The following ATG2A variants were observed in gnomAD, a reference collection of about 807,000 sequenced individuals.
ATG2A encodes the protein autophagy-related protein 2 homolog A.
A neutral mutation model predicts 214.2 loss-of-function variants in ATG2A; 103 were observed. The ratio of observed to expected loss-of-function variants is 0.48; its 90% CI spans 0.41 to 0.57. The LOEUF (loss-of-function observed/expected upper bound fraction) is 0.57. Ranked by LOEUF, ATG2A falls within the 20% of genes least tolerant of loss-of-function variation. The pLI, the probability that ATG2A is intolerant of heterozygous loss-of-function variation, is 0.00. For synonymous variants in ATG2A, 1,160 were observed against 1,142.1 expected (o/e 1.02, Z -0.32); for missense variants, 2,312 against 2,613.2 (o/e 0.88, Z 2.51).
rs569894911 is a variant in ATG2A, at chr11:64,917,144, C to T, written c.-9G>A. ...CACAGCCATCGTGACATCTCGGAGA[C>T]CGCCGGGCCTGGGCCGCCTCCGCTT... is the stretch of plus-strand genomic sequence containing the variant. On this transcript the variant is annotated 5_prime_UTR_variant, in exon 1 of 41. Coordinates refer to ENST00000377264, the MANE Select transcript of ATG2A (RefSeq NM_015104.3). 1 of 1,596,474 alleles carries T rather than the reference C, an allele frequency of 6.3e-7. No individual in the cohort carries two copies. The highest frequency in any genetic ancestry group is 8.5e-7 in the Non-Finnish European group (1 of 1,171,064).
rs1944728234 is a variant in ATG2A, at chr11:64,910,544, G to A, written c.1707+72C>T. On this transcript the variant is annotated intron_variant, in intron 12 of 40. Transcript: ENST00000377264. ...AGGGACAGGGCTGGGCAGCAGAGGA[G>A]GCCCTGGCAGAGGCCAGGGTGGGGT... 5.4e-6 allele frequency: 8 copies of A among 1,468,664 alleles called. No homozygotes were observed. In the South Asian group the frequency reaches 9.6e-5, roughly 18 times the overall value. The allele number at this position is 1,468,664 out of a possible 1,614,324, so 91.0% of individuals were successfully genotyped here.
At position 64,906,788 on chromosome 11, in the gene ATG2A, C is replaced by T. The variant is rs1368601500; in HGVS notation, c.2860G>A (p.Val954Met). ...KDEGGKRLEA[V>M]HGELVLDMEH... is the part of the protein sequence containing the mutation. Reference sequence around the variant, plus strand: ...ATGTCCAGCACCAGCTCCCCGTGCACAGCCTCCAGCCGCTTCCCACCCTCA... The same window carrying T: ...ATGTCCAGCACCAGCTCCCCGTGCATAGCCTCCAGCCGCTTCCCACCCTCA... The change falls in exon 20 of 41, where the codon GTG becomes ATG. Residue 954 changes from valine (V) to methionine (M), a missense_variant. Transcript: ENST00000377264. 6.2e-7 allele frequency: 1 copy of T among 1,613,186 alleles called. No homozygotes were observed. The highest frequency in any genetic ancestry group is 1.7e-4 in the Middle Eastern group (1 of 6,048).
rs1944417397 is a variant in ATG2A at position 64,903,098 on chromosome 11, A to G, written c.3612+190T>C. On this transcript the variant is annotated intron_variant, in intron 26 of 40. Transcript: ENST00000377264. This position sits in a 1 kb window ranked among gnomAD's most constrained non-coding sequence, Gnocchi z 4.2. The stretch of plus-strand genomic sequence containing the variant: ...CTGAAACCCATTCATTCATTCAGCC[A>G]GCATCAAGGGACACCCCCACCAGGG... Among the ~76,000 whole-genome samples, 1 of 152,168 alleles carries G rather than the reference A, an allele frequency of 6.6e-6. No individual in the cohort carries two copies. The highest frequency in any genetic ancestry group is 6.5e-5 in the Admixed American group (1 of 15,282).
In ATG2A at chr11:64,910,063, C is replaced by A. The variant is rs1236792136; in HGVS notation, c.1840G>T (p.Ala614Ser). Residue 614 changes from alanine (A) to serine (S), a missense_variant, in exon 13 of 41, where the codon GCT becomes TCT. Transcript: ENST00000377264. ...ACCAGCAGGCCGGCTGGAGGCTCAG[C>A]AGGTACGGTGGCCAGGCGCAGTAGG... ...AALLRLATVP[A>S]EPPAGLLTEP... The A allele has an allele frequency of 2.5e-6, 4 of 1,597,762 alleles. No homozygotes were observed. Among genetic ancestry groups the A allele is most frequent in the Non-Finnish European group, 3.4e-6 (4 of 1,173,800 alleles).
At chr11:64,916,837 G>A (rs1439263536) in intron 1 of ATG2A, 128 bp downstream of exon 1, 4 of 1,273,132 alleles carry the variant, frequency 3.1e-6, no homozygotes, top group Non-Finnish European at 4.3e-6. Context: ...GACGCCTGGA[G>A]AGGGCAAGAT....
At chr11:64,916,845 G>T in intron 1 of ATG2A, 120 bp downstream of exon 1, 1 of 1,407,982 alleles carries the variant, frequency 7.1e-7, no homozygotes, top group Non-Finnish European at 9.6e-7. Context: ...GAGAGGGCAA[G>T]ATTCCCCTGG....
rs186654581 is a variant in ATG2A at position 64,913,146 on chromosome 11, G to A, written c.727-10C>T. The A allele has an allele frequency of 2.6e-5, 42 of 1,586,624 alleles. No individual in the cohort carries two copies. The East Asian group carries it at 5.5e-4, about 21-fold the overall frequency. On this transcript the variant is annotated splice_polypyrimidine_tract_variant and intron_variant, in intron 5 of 40. Transcript: ENST00000377264. The surrounding 1 kb of genome is among the most constrained non-coding windows in gnomAD (Gnocchi z 4.3). ...GCTCTGGAGGCTCTTCCTGGGAGAC[G>A]GGAGGATACAAGAGGGAAAGGTTGA...
intron 18 of ATG2A, 29 bp downstream of exon 18, chr11:64,907,489 GTCCTCCC>G: frequency 6.2e-7 from 1 of 1,611,648 alleles, no homozygotes. Context: ...AGACCTGGGG[GTCCTCCC>G]TCTAGCCCAG....
Position 64,913,970 on chromosome 11 carries a change from G to A in ATG2A, c.488-47C>T, listed in dbSNP as rs1421775504. Reference sequence around the variant, plus strand: ...TCAGGTCAGGTAGAGCAGCAAAGGGGAGGCAGAATTTCCCATCTGGGCACC... The same window carrying A: ...TCAGGTCAGGTAGAGCAGCAAAGGGAAGGCAGAATTTCCCATCTGGGCACC... On this transcript the variant is annotated intron_variant, in intron 3 of 40. Coordinates refer to ENST00000377264, the MANE Select transcript of ATG2A (RefSeq NM_015104.3). The surrounding 1 kb of genome is among the most constrained non-coding windows in gnomAD (Gnocchi z 4.3). The A allele has an allele frequency of 1.9e-6, 3 of 1,600,222 alleles. No individual in the cohort carries two copies. Among genetic ancestry groups the A allele is most frequent in the Admixed American group, 3.5e-5 (2 of 57,934 alleles).
chr11:64,909,958 G>GAGC, intron 13 of ATG2A, 34 bp from the exon 14 acceptor site: 1 of 1,582,020 alleles, frequency 6.3e-7, no homozygotes, highest in Non-Finnish European at 8.6e-7. Context: ...GCAGCCGTCG[G>GAGC]AGCCCCTCCC....
chr11:64,905,218 A>G (rs1944498887), intron 24 of ATG2A, among the ~76,000 whole-genome samples: 1 of 152,160 alleles, frequency 6.6e-6, no homozygotes, highest in Admixed American at 6.5e-5. Context: ...TCTACCTACT[A>G]GGTGGGCCAT....
In ATG2A at chr11:64,903,568, G is replaced by T. The variant is rs149971141; in HGVS notation, c.3535+22C>A. On this transcript the variant is annotated intron_variant, in intron 25 of 40. Coordinates refer to ENST00000377264, the MANE Select transcript of ATG2A (RefSeq NM_015104.3). This position sits in a 1 kb window ranked among gnomAD's most constrained non-coding sequence, Gnocchi z 4.2. ...GCGGTGGTCCCTCAGAGGGGAGGGAGCCCAGTCCCGGCCCTGCCCACCTCG... is the reference window on the plus strand; with the variant it reads ...GCGGTGGTCCCTCAGAGGGGAGGGATCCCAGTCCCGGCCCTGCCCACCTCG... The T allele has an allele frequency of 1.5e-5, 23 of 1,538,468 alleles. No homozygotes were observed. Among genetic ancestry groups the T allele is most frequent in the Middle Eastern group, 3.6e-4 (2 of 5,524 alleles).
chr11:64,913,102 C>T lies in ATG2A; in HGVS notation c.761G>A (p.Ser254Asn), dbSNP rs1475534107. Reference sequence around the variant, plus strand: ...CATCAGCTCCATGTACCCTGAGCAGCTGCCGATCTGCAAGGGGGGCTCTGG... The same window carrying T: ...CATCAGCTCCATGTACCCTGAGCAGTTGCCGATCTGCAAGGGGGGCTCTGG... ...EPPEPPLQIG[S>N]CSGYMELMVK... is the part of the protein sequence containing the mutation. The change falls in exon 6 of 41, where the codon AGC becomes AAC. Residue 254 changes from serine (S) to asparagine (N), a missense_variant. Physicochemically the swap from Ser to Asn is conservative, Grantham distance 46 (BLOSUM62 1). Coordinates refer to ENST00000377264, the MANE Select transcript of ATG2A (RefSeq NM_015104.3). The surrounding 1 kb of genome is among the most constrained non-coding windows in gnomAD (Gnocchi z 4.3). 2 of 1,575,406 alleles carry T rather than the reference C, an allele frequency of 1.3e-6. No homozygotes were observed.
intron 1 of ATG2A, among the ~76,000 whole-genome samples, chr11:64,915,940 C>T (rs1400089018): frequency 6.6e-6 from 1 of 152,164 alleles, no homozygotes; most frequent in African/African-American, 2.4e-5. Context: ...TCAGGGCCCA[C>T]GATTATCCTA....
chr11:64,913,581 C>T lies in ATG2A; in HGVS notation c.591-180G>A. On this transcript the variant is annotated intron_variant, in intron 4 of 40. Transcript: ENST00000377264. This position sits in a 1 kb window ranked among gnomAD's most constrained non-coding sequence, Gnocchi z 4.3. ...CGGAGGCTCAGGCCAGCCCTTGCTC[C>T]TCAGACCCTCAGCATCTAACTTGGT... The T allele has an allele frequency of 2.2e-6, 2 of 897,856 alleles. No homozygotes were observed. The highest frequency in any genetic ancestry group is 1.8e-5 in the South Asian group (1 of 56,578). 55.6% of individuals were successfully genotyped at this position (897,856 alleles called of 1,614,324 possible).
In ATG2A at chr11:64,901,112, A is replaced by G; in HGVS notation, c.4120-20T>C. The G allele has an allele frequency of 6.4e-7, 1 of 1,551,346 alleles. No individual in the cohort carries two copies. The highest frequency in any genetic ancestry group is 8.7e-7 in the Non-Finnish European group (1 of 1,147,980). On this transcript the variant is annotated intron_variant, in intron 29 of 40. Transcript: ENST00000377264. ...TCGGGGCTGCAGGGAGGCCAGGTAG[A>G]CGTGTGACACAGATGTTCGATCCAG...
intron 21 of ATG2A, 44 bp from the exon 22 acceptor site, chr11:64,906,237 A>C: frequency 6.2e-7 from 1 of 1,608,488 alleles, no homozygotes; most frequent in Non-Finnish European, 8.5e-7. Context: ...GGCCAGCCCC[A>C]CCGTGCACTG....
chr11:64,907,998 A>G, intron 16 of ATG2A, 108 bp from the exon 17 acceptor site: 3 of 1,310,634 alleles, frequency 2.3e-6, no homozygotes, highest in Non-Finnish European at 3.2e-6. Context: ...TCATTCATTC[A>G]TAGGAGCCCT....
At chr11:64,897,062 C>A (rs1419436712) in intron 37 of ATG2A, 193 bp from the exon 38 acceptor site, 1 of 848,718 alleles carries the variant, frequency 1.2e-6, no homozygotes, top group Non-Finnish European at 1.8e-6. Flanking sequence ...GCTCCGTTGC[C>A]CAGGCTGGAG....
Sources: gnomAD v4.1 joint callset for allele counts (sites outside exome capture counted in the v4.1 genomes callset) on GRCh38, gnomAD v4.1.1 for gene constraint, Gnocchi (gnomAD v3.1) non-coding constraint, MANE v1.5 for transcripts, NCBI Gene and HGNC (gene_info 2026-07-23, HGNC 2026-07-21) for gene names.